The following CYP2S1 variants were observed in gnomAD, a reference collection of about 807,000 sequenced individuals.
CYP2S1 encodes cytochrome P450 2S1.
A neutral mutation model predicts 43.5 loss-of-function variants in CYP2S1; 32 were observed. That is an observed-to-expected ratio of 0.74 (90% CI 0.56 to 0.99). The LOEUF (loss-of-function observed/expected upper bound fraction) is 0.99. CYP2S1 is among the 50% of genes least tolerant of loss of function. The pLI is 0.00. For synonymous variants in CYP2S1, 283 were observed against 302.9 expected (o/e 0.93, Z 0.68); for missense variants, 575 against 673.9 (o/e 0.85, Z 1.62).
Position 41,198,899 on chromosome 19 carries a change from G to A in CYP2S1, c.834+11G>A. On this transcript the variant is annotated intron_variant, in intron 5 of 8. Transcript: ENST00000310054. This position sits in a 1 kb window ranked among gnomAD's most constrained non-coding sequence, Gnocchi z 4.9. The stretch of plus-strand genomic sequence containing the variant: ...CTGAAGATGGCACAGGTGTGGGAAG[G>A]GTGCAGGGACCCCCTCTCTGAATGG... 1.2e-6 allele frequency: 2 copies of A among 1,604,518 alleles called. No homozygotes were observed. The highest frequency in any genetic ancestry group is 1.7e-6 in the Non-Finnish European group (2 of 1,173,016).
At position 41,198,473 on chromosome 19, in the gene CYP2S1, G is replaced by T. The variant is rs771599181; in HGVS notation, c.505G>T (p.Asp169Tyr). ...CCCATTCCCCCCAGGACGCCCATTCGATCCCTCCCTGCTGCTGGCCCAGGC... is the reference window on the plus strand; with the variant it reads ...CCCATTCCCCCCAGGACGCCCATTCTATCCCTCCCTGCTGCTGGCCCAGGC... ...TFQGTEGRPF[D>Y]PSLLLAQATS... Residue 169 changes from aspartate to tyrosine, a missense_variant, in exon 4 of 9, where the codon GAT (aspartate) becomes TAT (tyrosine). Physicochemically the swap from Asp to Tyr is radical, Grantham distance 160. This residue lies in a region of CYP2S1 where 353 missense variants were observed against 367.6 expected (regional missense o/e 0.96). Coordinates refer to ENST00000310054, the MANE Select transcript of CYP2S1 (RefSeq NM_030622.8). This position sits in a 1 kb window ranked among gnomAD's most constrained non-coding sequence, Gnocchi z 4.9. The T allele has an allele frequency of 7.4e-6, 12 of 1,613,660 alleles. No homozygotes were observed. The highest frequency in any genetic ancestry group is 1.0e-5 in the Non-Finnish European group (12 of 1,179,938).
Position 41,194,680 on chromosome 19 carries a change from C to G in CYP2S1, c.314C>G (p.Ala105Gly), listed in dbSNP as rs202034225. The change falls in exon 2 of 9, where the codon GCG becomes GGG. Residue 105 changes from alanine (A) to glycine (G), a missense_variant. This residue lies in a region of CYP2S1 where 353 missense variants were observed against 367.6 expected (regional missense o/e 0.96). Coordinates refer to ENST00000310054, the MANE Select transcript of CYP2S1 (RefSeq NM_030622.8). ...GAGTTCAGCGGCCGGGGAACCGTAG[C>G]GATGCTGGAAGGGACTTTTGATGGC... ...AEEFSGRGTV[A>G]MLEGTFDGHG... 1 of 1,612,024 alleles carries G rather than the reference C, an allele frequency of 6.2e-7. No individual in the cohort carries two copies. Among genetic ancestry groups the G allele is most frequent in the African/African-American group, 1.3e-5 (1 of 74,912 alleles).
chr19:41,204,994 A>G (rs1187892934), intron 7 of CYP2S1, among the ~76,000 whole-genome samples: 1 of 152,114 alleles, frequency 6.6e-6, no homozygotes, highest in Non-Finnish European at 1.5e-5. Context: ...AATAGTATCA[A>G]CTTGAAGCTG....
chr19:41,204,515 C>T (rs1398251555), intron 7 of CYP2S1, among the ~76,000 whole-genome samples: 1 of 152,110 alleles, frequency 6.6e-6, no homozygotes, highest in African/African-American at 2.4e-5. Context: ...CTCCCTCCTC[C>T]ACCTTCACTG....
intron 2 of CYP2S1, among the ~76,000 whole-genome samples, chr19:41,195,208 A>G (rs1017233541): frequency 6.6e-6 from 1 of 152,220 alleles, no homozygotes; most frequent in Admixed American, 6.5e-5. Context: ...ACTAATCACC[A>G]GGTTGTAGTA....
chr19:41,198,360 CT>C lies in CYP2S1; in HGVS notation c.494-99del. ...CTCTCTCCCTGCGCTGTCCATCCAT[CT>C]TTCCCTGCCTCCCTGTCTCTCTCTG... On this transcript the variant is annotated intron_variant, in intron 3 of 8. Transcript: ENST00000310054. The surrounding 1 kb of genome is among the most constrained non-coding windows in gnomAD (Gnocchi z 4.9). 1 of 1,486,326 alleles carries C rather than the reference CT, an allele frequency of 6.7e-7. No homozygotes were observed. Among genetic ancestry groups the C allele is most frequent in the Non-Finnish European group, 9.2e-7 (1 of 1,092,858 alleles). The allele number at this position is 1,486,326 out of a possible 1,614,324, so 92.1% of individuals were successfully genotyped here. A position where few individuals can be genotyped will look rare whatever the true frequency, so the allele number is the denominator to read the frequency against.
chr19:41,193,231 C>G lies in CYP2S1; in HGVS notation c.-34C>G, dbSNP rs1426061136. 6.7e-7 allele frequency: 1 copy of G among 1,493,924 alleles called. No homozygotes were observed. The allele number at this position is 1,493,924 out of a possible 1,614,324, so 92.5% of individuals were successfully genotyped here. Reference sequence around the variant, plus strand: ...CCCTAACTAGCCCAGCCGCGCGGAGCGCCTGGGAGAGGAGAAGGAGCCGAC... The same window carrying G: ...CCCTAACTAGCCCAGCCGCGCGGAGGGCCTGGGAGAGGAGAAGGAGCCGAC... On this transcript the variant is annotated 5_prime_UTR_variant, in exon 1 of 9. Coordinates refer to ENST00000310054, the MANE Select transcript of CYP2S1 (RefSeq NM_030622.8).
At chr19:41,194,518 T>G in intron 1 of CYP2S1, 26 bp from the exon 2 acceptor site, 1 of 1,553,096 alleles carries the variant, frequency 6.4e-7, no homozygotes, top group African/African-American at 1.4e-5. Context: ...CACAGCACCC[T>G]CCTCTTTCTT....
In CYP2S1 at chr19:41,198,079, C is replaced by A; in HGVS notation, c.493+151C>A. Reference sequence around the variant, plus strand: ...CTGGCCTGGGGGTTCTGTTCACTGCCACCTTCTGTCTCTGTCCCACTGTCT... The same window carrying A: ...CTGGCCTGGGGGTTCTGTTCACTGCAACCTTCTGTCTCTGTCCCACTGTCT... On this transcript the variant is annotated intron_variant, in intron 3 of 8. Transcript: ENST00000310054. The surrounding 1 kb of genome is among the most constrained non-coding windows in gnomAD (Gnocchi z 4.9). 1.8e-6 allele frequency: 2 copies of A among 1,111,006 alleles called. No homozygotes were observed. The highest frequency in any genetic ancestry group is 2.5e-6 in the Non-Finnish European group (2 of 802,290). The allele number at this position is 1,111,006 out of a possible 1,614,324, so 68.8% of individuals were successfully genotyped here. A position where few individuals can be genotyped will look rare whatever the true frequency, so the allele number is the denominator to read the frequency against.
At position 41,194,672 on chromosome 19, in the gene CYP2S1, A is replaced by T. The variant is rs754164611; in HGVS notation, c.306A>T (p.Gly102=). The change falls in exon 2 of 9, where the codon GGA becomes GGT. Residue 102 remains glycine (G), a synonymous_variant. Transcript: ENST00000310054. ...GGQAEEFSGR[G]TVAMLEGTFD... is the part of the protein sequence containing the mutation. Reference sequence around the variant, plus strand: ...AGGCTGAGGAGTTCAGCGGCCGGGGAACCGTAGCGATGCTGGAAGGGACTT... The same window carrying T: ...AGGCTGAGGAGTTCAGCGGCCGGGGTACCGTAGCGATGCTGGAAGGGACTT... 6.2e-7 allele frequency: 1 copy of T among 1,612,044 alleles called. No individual in the cohort carries two copies. Among genetic ancestry groups the T allele is most frequent in the East Asian group, 2.2e-5 (1 of 44,782 alleles).
chr19:41,203,812 C>G (rs2033525713), intron 7 of CYP2S1, among the ~76,000 whole-genome samples, 175 bp downstream of exon 7: 1 of 151,802 alleles, frequency 6.6e-6, no homozygotes, highest in Non-Finnish European at 1.5e-5. Context: ...TCCTACCCCC[C>G]TGCATCTTTC....
chr19:41,203,901 G>A (rs1397782601), intron 7 of CYP2S1, among the ~76,000 whole-genome samples: 2 of 149,560 alleles, frequency 1.3e-5, no homozygotes, highest in African/African-American at 2.5e-5. Flanking sequence ...TCGCACTGTC[G>A]CCCGGGCTGG....
intron 8 of CYP2S1, 64 bp from the exon 9 acceptor site, chr19:41,206,216 C>T (rs772269085): frequency 9.6e-5 from 154 of 1,610,370 alleles, no homozygotes; most frequent in Non-Finnish European, 1.2e-4. Flanking sequence ...ACCTGCTGTT[C>T]CCCCCGTGGG....
chr19:41,202,332 G>A (rs1389926309), intron 6 of CYP2S1, among the ~76,000 whole-genome samples: 1 of 152,204 alleles, frequency 6.6e-6, no homozygotes, highest in East Asian at 1.9e-4. Flanking sequence ...GGGCCATGGG[G>A]ACGGGCTGAC....
intron 6 of CYP2S1, among the ~76,000 whole-genome samples, chr19:41,202,939 G>A (rs962109434): frequency 1.3e-5 from 2 of 151,718 alleles, no homozygotes; most frequent in Non-Finnish European, 2.9e-5. Flanking sequence ...TGTCTCTATT[G>A]AAAATACAAA....
chr19:41,197,598 G>A (rs338595), intron 2 of CYP2S1, among the ~76,000 whole-genome samples, 181 bp from the exon 3 acceptor site: 59,900 of 151,420 alleles, frequency 0.4, 13,887 homozygotes, highest in African/African-American at 0.65. Context: ...TACTCAGGAG[G>A]CTGAGGCAGG....
Position 41,198,803 on chromosome 19 carries a change from G to A in CYP2S1, c.749G>A (p.Arg250Gln), listed in dbSNP as rs778416663. The A allele has an allele frequency of 1.1e-5, 17 of 1,614,046 alleles. No individual in the cohort carries two copies. The African/African-American group carries it at 1.7e-4, about 16-fold the overall frequency. The change falls in exon 5 of 9, where the codon CGG becomes CAG. Residue 250 changes from arginine to glutamine, a missense_variant. Around this residue, in one of 2 missense-constraint regions of CYP2S1, gnomAD observed 353 missense variants for 367.6 expected, o/e 0.96. Coordinates refer to ENST00000310054, the MANE Select transcript of CYP2S1 (RefSeq NM_030622.8). This position sits in a 1 kb window ranked among gnomAD's most constrained non-coding sequence, Gnocchi z 4.9. Reference protein sequence around the residue: ...HVSTLAAFTVRQVQQHQGNLD... With the variant: ...HVSTLAAFTVQQVQQHQGNLD... ...AGCACCTTGGCTGCCTTCACAGTCC[G>A]GCAGGTGCAGCAGCACCAGGGGAAC...
intron 2 of CYP2S1, 49 bp downstream of exon 2, chr19:41,194,758 C>G (rs1599711440): frequency 6.3e-7 from 1 of 1,580,764 alleles, no homozygotes; most frequent in Non-Finnish European, 8.6e-7. Flanking sequence ...CCACCACTTA[C>G]TGGTGTGTGA....
At chr19:41,199,656 G>A (rs2033462538) in intron 5 of CYP2S1, among the ~76,000 whole-genome samples, 1 of 152,028 alleles carries the variant, frequency 6.6e-6, no homozygotes, top group Non-Finnish European at 1.5e-5. Context: ...CAAAGTGCTG[G>A]GACTATAGGC....
Sources: gnomAD v4.1 joint callset for allele counts (sites outside exome capture counted in the v4.1 genomes callset) on GRCh38, gnomAD v4.1.1 for gene constraint, gnomAD v4.1.1 regional missense constraint, Gnocchi (gnomAD v3.1) non-coding constraint, MANE v1.5 for transcripts, NCBI Gene and HGNC (gene_info 2026-07-23, HGNC 2026-07-21) for gene names.